Variants in ZNF486 observed in about 807,000 individuals in gnomAD.
The protein encoded by ZNF486 is KRAB box only protein 2.
In ZNF486, 12 loss-of-function variants were observed where a neutral mutation model predicts 12.8. The observed-to-expected ratio is 0.94, with a 90% CI of 0.60 to 1.52. The LOEUF is 1.52. Among genes scored for constraint, ZNF486 ranks in the 40% most tolerant of loss-of-function variants. The pLI, the probability that ZNF486 is intolerant of heterozygous loss-of-function variation, is 0.00. For missense variants in ZNF486, 738 were observed against 545.0 expected (o/e 1.35, Z -3.53); for synonymous variants, 231 against 184.9 (o/e 1.25, Z -2.02).
chr19:20,187,500 G>GTTTTTTT (rs57208523), intron 3 of ZNF486, among the ~76,000 whole-genome samples: 1 of 119,648 alleles, frequency 8.4e-6, no homozygotes, highest in Non-Finnish European at 1.7e-5. Context: ...ACCTCTTCAA[G>GTTTTTTT]TTTTTTTTTT....
intron 1 of ZNF486, among the ~76,000 whole-genome samples, chr19:20,179,980 A>C (rs2089766487): frequency 6.6e-6 from 1 of 152,228 alleles, no homozygotes; most frequent in Non-Finnish European, 1.5e-5. Flanking sequence ...AGAGCTAGCA[A>C]ATCAGGACAG....
rs1415180833 is a variant in ZNF486 at position 20,184,404 on chromosome 19, T to A, written c.79T>A (p.Trp27Arg). ...GGCTGTAGAATTCTCTCTGGAGGAG[T>A]GGCATTGCCTGGACACTGCACAGCA... is the stretch of plus-strand genomic sequence containing the variant. Reference protein sequence around the residue: ...DVAVEFSLEEWHCLDTAQQNL... With the variant: ...DVAVEFSLEERHCLDTAQQNL... The change falls in exon 2 of 4, where the codon TGG (tryptophan) becomes AGG (arginine). Residue 27 changes from tryptophan to arginine, a missense_variant. Transcript: ENST00000335117. 2 of 1,613,416 alleles carry A rather than the reference T, an allele frequency of 1.2e-6. No homozygotes were observed. The highest frequency in any genetic ancestry group is 2.2e-5 in the East Asian group (1 of 44,856).
At chr19:20,169,514 A>C (rs2089623665) in intron 1 of ZNF486, among the ~76,000 whole-genome samples, 1 of 152,194 alleles carries the variant, frequency 6.6e-6, no homozygotes, top group Non-Finnish European at 1.5e-5. Flanking sequence ...TCCTGAGAGA[A>C]GCTACGGAGC....
intron 1 of ZNF486, among the ~76,000 whole-genome samples, chr19:20,177,839 G>T (rs1380177144): frequency 1.3e-5 from 2 of 151,896 alleles, no homozygotes; most frequent in East Asian, 3.9e-4. Context: ...GCCTCCCAAA[G>T]TGCTGGGATT....
chr19:20,196,608 G>A (rs1033782458), intron 3 of ZNF486, among the ~76,000 whole-genome samples: 1 of 150,746 alleles, frequency 6.6e-6, no homozygotes, highest in African/African-American at 2.4e-5. Flanking sequence ...GGTATTACAG[G>A]AATGAGCCAC....
intron 1 of ZNF486, among the ~76,000 whole-genome samples, chr19:20,177,637 G>A (rs895747133): frequency 3.4e-4 from 52 of 152,248 alleles, no homozygotes; most frequent in African/African-American, 1.2e-3. Context: ...GAGTGCAATG[G>A]TGCGATCTCA....
rs2122691307 is a variant in ZNF486, at chr19:20,198,204, C to T, written c.*102C>T. On this transcript the variant is annotated 3_prime_UTR_variant, in exon 4 of 4. Transcript: ENST00000335117. Reference sequence around the variant, plus strand: ...TAATTTTGGCTCACCACAACCTCCACCTTCTGGGTTCAAGTAACTCTCCTT... The same window carrying T: ...TAATTTTGGCTCACCACAACCTCCATCTTCTGGGTTCAAGTAACTCTCCTT... 1.0e-6 allele frequency: 1 copy of T among 993,560 alleles called. No individual in the cohort carries two copies. 61.5% of individuals were successfully genotyped at this position (993,560 alleles called of 1,614,324 possible). A position where few individuals can be genotyped will look rare whatever the true frequency, so the allele number is the denominator to read the frequency against.
At position 20,197,712 on chromosome 19, in the gene ZNF486, C is replaced by T; in HGVS notation, c.1002C>T (p.Ser334=). Reference sequence around the variant, plus strand: ...AATGTGGCAAAGCCTTTATTTCATCCTCGATCCTTAGTAAACATGAGAAGA... The same window carrying T: ...AATGTGGCAAAGCCTTTATTTCATCTTCGATCCTTAGTAAACATGAGAAGA... ...CDKCGKAFIS[S]SILSKHEKIH... is the part of the protein sequence containing the mutation. Residue 334 remains serine, a synonymous_variant, in exon 4 of 4, where the codon TCC becomes TCT. Coordinates refer to ENST00000335117, the MANE Select transcript of ZNF486 (RefSeq NM_052852.4). 1.2e-6 allele frequency: 2 copies of T among 1,613,634 alleles called. No individual in the cohort carries two copies. Among genetic ancestry groups the T allele is most frequent in the African/African-American group, 1.3e-5 (1 of 74,942 alleles).
intron 1 of ZNF486, among the ~76,000 whole-genome samples, chr19:20,182,226 C>CA (rs2089795197): frequency 1.3e-5 from 2 of 152,188 alleles, no homozygotes; most frequent in Admixed American, 6.5e-5. Flanking sequence ...TCAGCATTGA[C>CA]AGGGGACTTG....
chr19:20,192,175 T>C (rs1294908414), intron 3 of ZNF486, among the ~76,000 whole-genome samples: 1 of 152,204 alleles, frequency 6.6e-6, no homozygotes, highest in African/African-American at 2.4e-5. Context: ...TTTTATGATA[T>C]ACACATTTTT....
At chr19:20,188,271 G>C in intron 3 of ZNF486, 1 of 390,398 alleles carries the variant, frequency 2.6e-6, no homozygotes, top group Non-Finnish European at 4.5e-6. Context: ...AGAAATACTT[G>C]TTTGATTTGA....
chr19:20,176,053 C>T (rs577463738), intron 1 of ZNF486: 5 of 175,612 alleles, frequency 2.8e-5, no homozygotes, highest in East Asian at 1.8e-4. Flanking sequence ...GGCGGAGATG[C>T]TACTCACTTC....
intron 2 of ZNF486, among the ~76,000 whole-genome samples, chr19:20,184,730 G>A (rs1003473394): frequency 6.6e-6 from 1 of 152,056 alleles, no homozygotes; most frequent in Non-Finnish European, 1.5e-5. Flanking sequence ...CAGAAATTTA[G>A]TGGCATAAAA....
chr19:20,184,331 ATGTGTGTG>A lies in ZNF486; in HGVS notation c.31-15_31-8del, dbSNP rs367731486. 5 of 1,545,022 alleles carry A rather than the reference ATGTGTGTG, an allele frequency of 3.2e-6. No homozygotes were observed. The highest frequency in any genetic ancestry group is 3.5e-5 in the Admixed American group (2 of 57,366). ...TTCCACCAACGGCGACTTGGTGAAA[ATGTGTGTG>A]TGTGTGTGTTTTTCAGGAATCATTG... On this transcript the variant is annotated splice_polypyrimidine_tract_variant and intron_variant, in intron 1 of 3. Transcript: ENST00000335117.
At chr19:20,173,033 A>C (rs1159196827) in intron 1 of ZNF486, among the ~76,000 whole-genome samples, 1 of 152,180 alleles carries the variant, frequency 6.6e-6, no homozygotes, top group Non-Finnish European at 1.5e-5. Context: ...CTCTGTTGAT[A>C]GTTTCCTTTG....
intron 1 of ZNF486, among the ~76,000 whole-genome samples, 158 bp from the exon 2 acceptor site, chr19:20,184,198 A>C (rs1238201942): frequency 6.6e-6 from 1 of 152,184 alleles, no homozygotes; most frequent in Non-Finnish European, 1.5e-5. Flanking sequence ...GATAGAGAAT[A>C]CATTAGAAAA....
At chr19:20,169,654 T>TA (rs1186939830) in intron 1 of ZNF486, among the ~76,000 whole-genome samples, 1 of 151,994 alleles carries the variant, frequency 6.6e-6, no homozygotes, top group Admixed American at 6.6e-5. Context: ...CAGATTTATG[T>TA]AAAAAAATGA....
At position 20,197,917 on chromosome 19, in the gene ZNF486, G is replaced by C. The variant is rs570413641; in HGVS notation, c.1207G>C (p.Glu403Gln). The C allele has an allele frequency of 6.2e-6, 10 of 1,613,270 alleles. No individual in the cohort carries two copies. Among genetic ancestry groups the C allele is most frequent in the Non-Finnish European group, 7.6e-6 (9 of 1,179,774 alleles). The change falls in exon 4 of 4, where the codon GAG (glutamate) becomes CAG (glutamine). Residue 403 changes from glutamate to glutamine, a missense_variant. Coordinates refer to ENST00000335117, the MANE Select transcript of ZNF486 (RefSeq NM_052852.4). Reference sequence around the variant, plus strand: ...TAAACATAGGAGAACTCATACTGGAGAGAAACCCTACAAATGTGAAGAATG... The same window carrying C: ...TAAACATAGGAGAACTCATACTGGACAGAAACCCTACAAATGTGAAGAATG... ...LHKHRRTHTG[E>Q]KPYKCEECGK... is the part of the protein sequence containing the mutation.
At chr19:20,178,519 G>A (rs1471267084) in intron 1 of ZNF486, among the ~76,000 whole-genome samples, 1 of 152,112 alleles carries the variant, frequency 6.6e-6, no homozygotes, top group African/African-American at 2.4e-5. Flanking sequence ...TGGGATTACA[G>A]GTGTGAGCCA....
Sources: gnomAD v4.1 joint callset for allele counts (sites outside exome capture counted in the v4.1 genomes callset) on GRCh38, gnomAD v4.1.1 for gene constraint, MANE v1.5 for transcripts, NCBI Gene and HGNC (gene_info 2026-07-23, HGNC 2026-07-21) for gene names.